Variants in PTPRD observed in about 807,000 individuals in gnomAD.
PTPRD encodes the protein protein tyrosine phosphatase receptor type D, also known as receptor-type tyrosine-protein phosphatase delta.
Under a neutral mutation model 214.5 loss-of-function variants are expected in PTPRD, and 34 were observed. The ratio of observed to expected loss-of-function variants is 0.16; its 90% CI spans 0.12 to 0.21. The LOEUF (loss-of-function observed/expected upper bound fraction) is 0.21. PTPRD is among the 10% of genes least tolerant of loss of function. The pLI, the probability that PTPRD is intolerant of heterozygous loss-of-function variation, is 1.00. For synonymous variants in PTPRD, 1,128 were observed against 845.7 expected, an observed-to-expected ratio of 1.33 and a Z score of -5.79; for missense variants, 2,545 against 2,398.7, an observed-to-expected ratio of 1.06 and a Z score of -1.27.
At chr9:9,173,162 T>A (rs539395413) in intron 10 of PTPRD, among the ~76,000 whole-genome samples, 29 of 152,260 alleles carry the variant, frequency 1.9e-4, no homozygotes, top group Admixed American at 3.9e-4. Flanking sequence ...CTAGAATATT[T>A]TCCCCCTAAT....
chr9:9,860,160 T>C (rs2062411587), intron 5 of PTPRD, among the ~76,000 whole-genome samples: 1 of 152,334 alleles, frequency 6.6e-6, no homozygotes, highest in South Asian at 2.1e-4. Flanking sequence ...CTATTTCTTA[T>C]TCTAGAGTCA....
chr9:10,231,565 G>A (rs2099609974), intron 3 of PTPRD, among the ~76,000 whole-genome samples: 1 of 148,316 alleles, frequency 6.7e-6, no homozygotes, highest in African/African-American at 2.5e-5. Context: ...TAGGGAGGAG[G>A]TGGTGCACAT....
chr9:9,890,809 A>G (rs1212742574), intron 5 of PTPRD, among the ~76,000 whole-genome samples: 5 of 151,992 alleles, frequency 3.3e-5, no homozygotes, highest in Admixed American at 1.3e-4. Flanking sequence ...CAAATATACT[A>G]TGTCTCCAAT....
chr9:10,212,739 T>C (rs540103837), intron 3 of PTPRD, among the ~76,000 whole-genome samples: 2 of 152,284 alleles, frequency 1.3e-5, no homozygotes, highest in South Asian at 2.1e-4. Context: ...TGTTACTGTA[T>C]TGTCAAGAGG....
chr9:9,523,917 C>T (rs1181923437), intron 8 of PTPRD, among the ~76,000 whole-genome samples: 2 of 152,124 alleles, frequency 1.3e-5, no homozygotes, highest in Non-Finnish European at 1.5e-5. Flanking sequence ...CATGTGCTTC[C>T]GACGGGCTGA....
At chr9:8,943,077 G>A (rs1170524657) in intron 11 of PTPRD, among the ~76,000 whole-genome samples, 1 of 151,880 alleles carries the variant, frequency 6.6e-6, no homozygotes, top group African/African-American at 2.4e-5. Context: ...ATTAACCAAA[G>A]AAATGAAAAA....
chr9:8,530,410 G>A (rs536447354), intron 14 of PTPRD, among the ~76,000 whole-genome samples: 1 of 151,984 alleles, frequency 6.6e-6, no homozygotes, highest in Non-Finnish European at 1.5e-5. Flanking sequence ...AGGAAGCCAC[G>A]CAGCCAAAGT....
chr9:10,491,591 C>T (rs1411595927), intron 2 of PTPRD, among the ~76,000 whole-genome samples: 1 of 151,896 alleles, frequency 6.6e-6, no homozygotes, highest in Admixed American at 6.6e-5. Context: ...AAAAATATTT[C>T]CACATAGATG....
intron 2 of PTPRD, among the ~76,000 whole-genome samples, chr9:10,410,168 G>A (rs143929232): frequency 3.3e-4 from 49 of 149,812 alleles, no homozygotes; most frequent in African/African-American, 1.1e-3. Flanking sequence ...AGCTCTGATA[G>A]TTCAAATAAA....
chr9:8,601,688 G>C (rs923393058), intron 14 of PTPRD, among the ~76,000 whole-genome samples: 1 of 152,168 alleles, frequency 6.6e-6, no homozygotes, highest in Non-Finnish European at 1.5e-5. Flanking sequence ...ATTGGGGTTG[G>C]GATGCTACTG....
At chr9:9,638,728 C>T (rs974872935) in intron 7 of PTPRD, among the ~76,000 whole-genome samples, 3 of 152,186 alleles carry the variant, frequency 2.0e-5, no homozygotes, top group African/African-American at 7.2e-5. Context: ...CAACTTCTGT[C>T]TTAGTGTGTT....
At chr9:8,691,465 G>A (rs2097799115) in intron 12 of PTPRD, among the ~76,000 whole-genome samples, 1 of 147,950 alleles carries the variant, frequency 6.8e-6, no homozygotes, top group Admixed American at 6.8e-5. Flanking sequence ...GGGATAAAGA[G>A]AGTAGCAGCA....
intron 8 of PTPRD, among the ~76,000 whole-genome samples, chr9:9,492,503 C>A (rs555724390): frequency 6.6e-6 from 1 of 152,074 alleles, no homozygotes; most frequent in Non-Finnish European, 1.5e-5. Flanking sequence ...AATGGTACAA[C>A]ATATGACAGC....
intron 3 of PTPRD, among the ~76,000 whole-genome samples, chr9:10,219,866 G>C (rs1348370516): frequency 6.6e-6 from 1 of 151,638 alleles, no homozygotes; most frequent in Non-Finnish European, 1.5e-5. Flanking sequence ...AATGAACAAA[G>C]CCAGAAAGAT....
At chr9:9,129,201 C>G (rs1384885659) in intron 10 of PTPRD, among the ~76,000 whole-genome samples, 1 of 152,116 alleles carries the variant, frequency 6.6e-6, no homozygotes, top group Non-Finnish European at 1.5e-5. Flanking sequence ...ACCCACCTGG[C>G]CAACAGGGCA....
At chr9:8,676,555 G>T (rs1258465406) in intron 12 of PTPRD, among the ~76,000 whole-genome samples, 1 of 151,364 alleles carries the variant, frequency 6.6e-6, no homozygotes, top group Non-Finnish European at 1.5e-5. Context: ...CTTGATTTTT[G>T]TGTGGGTTTC....
At chr9:9,674,981 A>T (rs1327365726) in intron 7 of PTPRD, among the ~76,000 whole-genome samples, 3 of 151,882 alleles carry the variant, frequency 2.0e-5, no homozygotes, top group African/African-American at 7.2e-5. Flanking sequence ...ATTATTGGAC[A>T]GATAGGATAC....
intron 4 of PTPRD, among the ~76,000 whole-genome samples, chr9:9,989,338 C>A (rs910857511): frequency 3.9e-5 from 6 of 152,044 alleles, no homozygotes; most frequent in African/African-American, 7.2e-5. Flanking sequence ...GCCTTCTCTG[C>A]CCCCACATTC....
intron 2 of PTPRD, among the ~76,000 whole-genome samples, chr9:10,432,836 T>C (rs974062008): frequency 1.3e-5 from 2 of 151,982 alleles, no homozygotes; most frequent in African/African-American, 4.8e-5. Context: ...ACTACTCCTA[T>C]TTCCCGAGGA....
Sources: allele counts gnomAD v4.1 joint callset (sites outside exome capture counted in the v4.1 genomes callset), GRCh38; gene constraint gnomAD v4.1.1; transcripts MANE v1.5; gene names NCBI Gene and HGNC (gene_info 2026-07-23, HGNC 2026-07-21).